Variants in SBF2 observed in about 807,000 individuals in gnomAD.
SBF2 encodes myotubularin-related protein 13.
A neutral mutation model predicts 225.2 loss-of-function variants in SBF2; 112 were observed. The ratio of observed to expected loss-of-function variants is 0.50; its 90% CI spans 0.43 to 0.58. SBF2 has a LOEUF of 0.58. Ranked by LOEUF, SBF2 falls within the 20% of genes least tolerant of loss-of-function variation. The pLI is 0.00. For missense variants in SBF2, 1,996 were observed against 2,206.2 expected (o/e 0.90, Z 1.91); for synonymous variants, 763 against 773.3 (o/e 0.99, Z 0.22).
chr11:10,074,726 C>A (rs1365964508), intron 2 of SBF2, among the ~76,000 whole-genome samples: 1 of 151,982 alleles, frequency 6.6e-6, no homozygotes, highest in Non-Finnish European at 1.5e-5. Context: ...ATTAGATTCC[C>A]CAGAGTAATT....
chr11:9,863,849 T>C (rs1245416225), intron 17 of SBF2, among the ~76,000 whole-genome samples: 5 of 152,080 alleles, frequency 3.3e-5, no homozygotes, highest in Non-Finnish European at 5.9e-5. Flanking sequence ...GAGGTAACCA[T>C]GATCATGAAT....
At chr11:9,888,630 C>T (rs958644173) in intron 17 of SBF2, among the ~76,000 whole-genome samples, 5 of 151,998 alleles carry the variant, frequency 3.3e-5, no homozygotes, top group Admixed American at 6.6e-5. Context: ...AGTATCCTTG[C>T]TGGTTATATG....
At chr11:10,212,365 T>A (rs1267644995) in intron 1 of SBF2, among the ~76,000 whole-genome samples, 1 of 152,146 alleles carries the variant, frequency 6.6e-6, no homozygotes, top group Non-Finnish European at 1.5e-5. Flanking sequence ...TTCCAATAAC[T>A]CCTGAAAGGT....
intron 2 of SBF2, among the ~76,000 whole-genome samples, chr11:10,114,179 A>G (rs1953020796): frequency 6.6e-6 from 1 of 151,842 alleles, no homozygotes; most frequent in Non-Finnish European, 1.5e-5. Flanking sequence ...GAATTAAATT[A>G]GATAATGCAT....
chr11:10,246,817 G>A lies in SBF2; in HGVS notation c.55+47198C>T, dbSNP rs185947100. Among the ~76,000 whole-genome samples the A allele has an allele frequency of 2.0e-5, 3 of 152,276 alleles. No individual in the cohort carries two copies. In the East Asian group the frequency reaches 5.8e-4, roughly 29 times the overall value. Reference sequence around the variant, plus strand: ...TGGCCTTGCATGGTGGGTCATGCCTGTAATCTCACCACTTTGGGAGGTCGA... The same window carrying A: ...TGGCCTTGCATGGTGGGTCATGCCTATAATCTCACCACTTTGGGAGGTCGA... On this transcript the variant is annotated intron_variant, in intron 1 of 39. Coordinates refer to ENST00000256190, the MANE Select transcript of SBF2 (RefSeq NM_030962.4).
chr11:9,895,113 C>A, intron 17 of SBF2, among the ~76,000 whole-genome samples: 1 of 152,198 alleles, frequency 6.6e-6, no homozygotes, highest in Non-Finnish European at 1.5e-5. Context: ...CATCCAACAA[C>A]AAACCATGCC....
chr11:9,944,961 C>T (rs1865480715), intron 16 of SBF2, among the ~76,000 whole-genome samples: 1 of 151,960 alleles, frequency 6.6e-6, no homozygotes, highest in African/African-American at 2.4e-5. Context: ...AAAAATTAGC[C>T]AAGTGTGGTG....
At chr11:10,039,137 T>C (rs1482966713) in intron 3 of SBF2, among the ~76,000 whole-genome samples, 1 of 151,886 alleles carries the variant, frequency 6.6e-6, no homozygotes, top group Non-Finnish European at 1.5e-5. Context: ...ATGGTGTATG[T>C]CCCTAAGTTC....
chr11:10,029,920 T>G, intron 4 of SBF2, 45 bp from the exon 5 acceptor site: 4 of 1,316,672 alleles, frequency 3.0e-6, no homozygotes, highest in Non-Finnish European at 4.4e-6. Flanking sequence ...GAAAAAGCAT[T>G]AAAAATAAAT....
chr11:9,926,674 G>A (rs1034942120), intron 16 of SBF2, among the ~76,000 whole-genome samples: 4 of 151,812 alleles, frequency 2.6e-5, no homozygotes, highest in Non-Finnish European at 4.4e-5. Context: ...AAATCAAAAG[G>A]GAAATGAGAA....
intron 2 of SBF2, among the ~76,000 whole-genome samples, chr11:10,117,262 G>T (rs1346733415): frequency 6.6e-6 from 1 of 151,902 alleles, no homozygotes. Flanking sequence ...CCAACATGGA[G>T]AAACCCCGTG....
At chr11:9,959,440 A>G in intron 16 of SBF2, 1 of 1,054,476 alleles carries the variant, frequency 9.5e-7, no homozygotes, top group South Asian at 1.3e-5. Context: ...CTGGTTGCTC[A>G]CCATGTCCCT....
At chr11:9,892,761 G>A (rs913337411) in intron 17 of SBF2, among the ~76,000 whole-genome samples, 1 of 152,056 alleles carries the variant, frequency 6.6e-6, no homozygotes, top group Non-Finnish European at 1.5e-5. Context: ...GATTCTCCAT[G>A]TTGGTCAGGC....
intron 1 of SBF2, among the ~76,000 whole-genome samples, chr11:10,201,391 A>G (rs12272934): frequency 0.015 from 2,231 of 152,312 alleles, 52 homozygotes; most frequent in African/African-American, 0.049. Flanking sequence ...AAGTAGATCT[A>G]ATTGTGCCAG....
intron 17 of SBF2, among the ~76,000 whole-genome samples, chr11:9,862,348 C>T (rs1857822384): frequency 6.6e-6 from 1 of 152,132 alleles, no homozygotes; most frequent in Non-Finnish European, 1.5e-5. Flanking sequence ...GCCTAGACTC[C>T]ATCATGGCTT....
At chr11:10,243,635 C>T (rs1337663151) in intron 1 of SBF2, among the ~76,000 whole-genome samples, 2 of 151,568 alleles carry the variant, frequency 1.3e-5, no homozygotes, top group Non-Finnish European at 2.9e-5. Context: ...ACAATTGATG[C>T]CACAAAAATA....
At chr11:10,005,042 G>T (rs1948135151) in intron 6 of SBF2, among the ~76,000 whole-genome samples, 1 of 152,186 alleles carries the variant, frequency 6.6e-6, no homozygotes, top group South Asian at 2.1e-4. Flanking sequence ...CAACCATCAG[G>T]TGATGGTCAG....
chr11:10,161,906 G>C (rs960165620), intron 2 of SBF2, among the ~76,000 whole-genome samples: 1 of 152,144 alleles, frequency 6.6e-6, no homozygotes, highest in African/African-American at 2.4e-5. Context: ...GAGTGCTTGA[G>C]CCCAAAAGTG....
chr11:10,146,191 A>T (rs1191393101), intron 2 of SBF2, among the ~76,000 whole-genome samples: 1 of 152,192 alleles, frequency 6.6e-6, no homozygotes, highest in Admixed American at 6.5e-5. Context: ...TCAGACTATC[A>T]ATGACGTTCT....
Sources: allele counts gnomAD v4.1 joint callset (sites outside exome capture counted in the v4.1 genomes callset), GRCh38; gene constraint gnomAD v4.1.1; transcripts MANE v1.5; gene names NCBI Gene and HGNC (gene_info 2026-07-23, HGNC 2026-07-21).